ADAMTSL1: variants seen among roughly 807,000 people sequenced by gnomAD.
The protein encoded by ADAMTSL1 is ADAMTS-like protein 1.
In ADAMTSL1, 126 loss-of-function variants were observed where a neutral mutation model predicts 201.8. The ratio of observed to expected loss-of-function variants is 0.62; its 90% confidence interval spans 0.54 to 0.72. The LOEUF (loss-of-function observed/expected upper bound fraction) is 0.72, where lower values mean the gene tolerates loss of function less well. ADAMTSL1 is among the 30% of genes least tolerant of loss of function. The pLI is 0.00. For missense variants in ADAMTSL1, 2,679 were observed against 2,277.8 expected (o/e 1.18, Z -3.59); for synonymous variants, 1,121 against 903.4 (o/e 1.24, Z -4.32).
chr9:18,795,328 A>G, intron 19 of ADAMTSL1, 69 bp from the exon 20 acceptor site: 1 of 1,596,262 alleles, frequency 6.3e-7, no homozygotes, highest in Non-Finnish European at 8.5e-7. Flanking sequence ...TTCCTGCCTT[A>G]CCAATATTGA....
At chr9:18,500,470 C>G (rs1822776036) in intron 1 of ADAMTSL1, among the ~76,000 whole-genome samples, 1 of 152,178 alleles carries the variant, frequency 6.6e-6, no homozygotes, top group Non-Finnish European at 1.5e-5. Context: ...TGCTGAGTTT[C>G]TGAGAAGACA....
chr9:18,033,918 T>G (rs553542752), intron 1 of ADAMTSL1, among the ~76,000 whole-genome samples: 1 of 152,320 alleles, frequency 6.6e-6, no homozygotes, highest in African/African-American at 2.4e-5. Context: ...TTGTATACAT[T>G]ATCACAATAA....
intron 4 of ADAMTSL1, among the ~76,000 whole-genome samples, chr9:18,599,002 C>G (rs1042293011): frequency 3.9e-5 from 6 of 152,094 alleles, no homozygotes; most frequent in African/African-American, 9.7e-5. Flanking sequence ...CCCACAGGTT[C>G]TCATGGTGGG....
intron 1 of ADAMTSL1, among the ~76,000 whole-genome samples, chr9:18,096,416 A>G (rs1024226316): frequency 6.6e-6 from 1 of 152,180 alleles, no homozygotes; most frequent in African/African-American, 2.4e-5. Flanking sequence ...TTCTGCAGCA[A>G]TGGAAATGTT....
At position 18,674,223 on chromosome 9, in the gene ADAMTSL1, A is replaced by ACACACACAC. The variant is rs1564139447; in HGVS notation, c.1086-1634_1086-1633insCACACACAC. 1.3e-3 allele frequency among the ~76,000 whole-genome samples: 176 copies of ACACACACAC among 130,658 alleles called. 1 individual carries two copies. The highest frequency in any genetic ancestry group is 4.3e-3 in the African/African-American group (149 of 34,420). The allele number at this position is 130,658 out of a possible 152,430, so 85.7% of individuals were successfully genotyped here. A position where few individuals can be genotyped will look rare whatever the true frequency, so the allele number is the denominator to read the frequency against. On this transcript the variant is annotated intron_variant, in intron 9 of 28. Transcript: ENST00000380548. ...GCACACACACACACACACACACACA[A>ACACACACAC]ACACACACATCATGAAAATTTTCTC...
rs577033537 is a variant in ADAMTSL1 at position 18,415,834 on chromosome 9, G to C, written c.208-88995G>C. On this transcript the variant is annotated intron_variant, in intron 2 of 29. Coordinates refer to the ADAMTSL1 transcript ENST00000680146. Reference sequence around the variant, plus strand: ...ATGACATTTTATATAGAGAAGCAAAGTTAAATATGACAGCAGATTTCTCCT... The same window carrying C: ...ATGACATTTTATATAGAGAAGCAAACTTAAATATGACAGCAGATTTCTCCT... Among the ~76,000 whole-genome samples the C allele has an allele frequency of 1.4e-4, 22 of 152,004 alleles. No individual in the cohort carries two copies. In the South Asian group the frequency reaches 3.5e-3, roughly 24 times the overall value.
At chr9:18,821,142 A>G (rs1824185579) in intron 21 of ADAMTSL1, among the ~76,000 whole-genome samples, 1 of 152,228 alleles carries the variant, frequency 6.6e-6, no homozygotes, top group Admixed American at 6.5e-5. Flanking sequence ...AGGACTAAGG[A>G]TGCAGAAATA....
intron 2 of ADAMTSL1, among the ~76,000 whole-genome samples, chr9:18,230,821 G>A (rs995816902): frequency 6.6e-6 from 1 of 152,106 alleles, no homozygotes; most frequent in Admixed American, 6.5e-5. Flanking sequence ...GGCACCAGAT[G>A]TTAAAATTAC....
chr9:18,347,104 A>C, intron 2 of ADAMTSL1, among the ~76,000 whole-genome samples: 1 of 152,122 alleles, frequency 6.6e-6, no homozygotes, highest in Admixed American at 6.5e-5. Context: ...TTTGAAAGAG[A>C]AATGTGCCTT....
chr9:18,403,140 C>T (rs1163740135), intron 2 of ADAMTSL1, among the ~76,000 whole-genome samples: 1 of 151,778 alleles, frequency 6.6e-6, no homozygotes, highest in African/African-American at 2.4e-5. Flanking sequence ...ATCACATTTT[C>T]TCATTTTCTT....
intron 1 of ADAMTSL1, among the ~76,000 whole-genome samples, chr9:18,127,763 A>T (rs1024854700): frequency 1.5e-4 from 23 of 152,284 alleles, no homozygotes; most frequent in African/African-American, 5.5e-4. Flanking sequence ...CAGCACACAG[A>T]TAGTAGAAAA....
At chr9:18,543,808 C>A (rs993605564) in intron 3 of ADAMTSL1, among the ~76,000 whole-genome samples, 2 of 152,184 alleles carry the variant, frequency 1.3e-5, no homozygotes, top group African/African-American at 4.8e-5. Context: ...CACTGGGTGC[C>A]CCCCAGCCCC....
intron 5 of ADAMTSL1, among the ~76,000 whole-genome samples, chr9:18,630,633 ATG>A (rs60251398): frequency 0.13 from 20,011 of 152,104 alleles, 1,435 homozygotes; most frequent in Admixed American, 0.2. Context: ...GCCTTATCTG[ATG>A]TGTTTCCTGA....
chr9:18,609,762 A>G (rs1825265437), intron 4 of ADAMTSL1, among the ~76,000 whole-genome samples: 2 of 152,330 alleles, frequency 1.3e-5, no homozygotes, highest in South Asian at 4.1e-4. Flanking sequence ...TCTGGAGACT[A>G]TGAAATAGAA....
At chr9:18,743,537 C>T (rs1818963058) in intron 15 of ADAMTSL1, among the ~76,000 whole-genome samples, 1 of 152,022 alleles carries the variant, frequency 6.6e-6, no homozygotes. Flanking sequence ...CGTGGCCAAA[C>T]TGTTTTCAAG....
At chr9:17,909,531 A>C (rs191876686) in intron 1 of ADAMTSL1, among the ~76,000 whole-genome samples, 1,461 of 65,800 alleles carry the variant, frequency 0.022, 353 homozygotes, top group African/African-American at 0.041. Flanking sequence ...ACACATGCAC[A>C]CGTATGTTTA....
chr9:18,218,436 C>G (rs982957881), intron 2 of ADAMTSL1, among the ~76,000 whole-genome samples: 1 of 152,098 alleles, frequency 6.6e-6, no homozygotes, highest in African/African-American at 2.4e-5. Context: ...TTGTGATGAG[C>G]TTAATCATTC....
chr9:18,143,708 A>G (rs576842053), intron 1 of ADAMTSL1, among the ~76,000 whole-genome samples: 72 of 152,218 alleles, frequency 4.7e-4, no homozygotes, highest in South Asian at 1.7e-3. Context: ...AGTGCAAATC[A>G]CCTTTTGTTT....
At position 18,637,064 on chromosome 9, in the gene ADAMTSL1, T is replaced by C. The variant is rs182511601; in HGVS notation, c.676+1047T>C. ...TAGCCTACAGTAGTCTTTCTAGATA[T>C]AAAAATAAATACATGTCATGGAAGA... On this transcript the variant is annotated intron_variant, in intron 6 of 28. Coordinates refer to ENST00000380548, the MANE Select transcript of ADAMTSL1 (RefSeq NM_001040272.6). 1.6e-4 allele frequency among the ~76,000 whole-genome samples: 24 copies of C among 146,904 alleles called. No homozygotes were observed. The East Asian group carries it at 4.4e-3, about 27-fold the overall frequency.
Sources: allele counts gnomAD v4.1 joint callset (sites outside exome capture counted in the v4.1 genomes callset), GRCh38; gene constraint gnomAD v4.1.1; transcripts MANE v1.5; gene names NCBI Gene and HGNC (gene_info 2026-07-23, HGNC 2026-07-21).